Variants in ST6GAL1 observed in about 807,000 individuals in gnomAD.
ST6GAL1 encodes the protein beta-galactoside alpha-2,6-sialyltransferase 1.
Under a neutral mutation model 38.0 loss-of-function variants are expected in ST6GAL1, and 20 were observed. That is an observed-to-expected ratio of 0.53 (90% confidence interval 0.37 to 0.77). The LOEUF is 0.77. Among genes scored for constraint, ST6GAL1 ranks in the 30% least tolerant of loss-of-function variants. The pLI, the probability that ST6GAL1 is intolerant of heterozygous loss-of-function variation, is 0.00. For synonymous variants in ST6GAL1, 196 were observed against 188.2 expected (o/e 1.04, Z -0.34); for missense variants, 432 against 496.4 (o/e 0.87, Z 1.23).
At chr3:186,997,819 G>T (rs1716470614) in intron 2 of ST6GAL1, among the ~76,000 whole-genome samples, 1 of 152,098 alleles carries the variant, frequency 6.6e-6, no homozygotes, top group Non-Finnish European at 1.5e-5. Flanking sequence ...TGACTGGTGA[G>T]TGGGGACGGA....
At chr3:186,990,298 T>G (rs1346743168) in intron 2 of ST6GAL1, among the ~76,000 whole-genome samples, 1 of 152,228 alleles carries the variant, frequency 6.6e-6, no homozygotes, top group Non-Finnish European at 1.5e-5. Context: ...CCTCCCAAAT[T>G]GCTGGGATTA....
At chr3:187,027,855 G>A (rs897858906) in intron 2 of ST6GAL1, among the ~76,000 whole-genome samples, 1 of 152,166 alleles carries the variant, frequency 6.6e-6, no homozygotes, top group Non-Finnish European at 1.5e-5. Flanking sequence ...AGCCAGCAAC[G>A]AGACCAGTAA....
chr3:187,065,182 T>A (rs1719059993), intron 5 of ST6GAL1, among the ~76,000 whole-genome samples: 1 of 152,056 alleles, frequency 6.6e-6, no homozygotes, highest in Non-Finnish European at 1.5e-5. Context: ...GTATTTTTAG[T>A]AGAGACAGGG....
At chr3:186,994,177 AAG>A (rs1408758616) in intron 2 of ST6GAL1, among the ~76,000 whole-genome samples, 3 of 152,170 alleles carry the variant, frequency 2.0e-5, no homozygotes, top group Admixed American at 6.5e-5. Flanking sequence ...TTGAGAGAGA[AAG>A]AGAGAGTAAT....
At chr3:186,988,586 G>T (rs374268264) in intron 2 of ST6GAL1, among the ~76,000 whole-genome samples, 1 of 147,190 alleles carries the variant, frequency 6.8e-6, no homozygotes, top group Admixed American at 6.8e-5. Context: ...TGGTGGGGGC[G>T]GGTGGTGGTG....
chr3:186,939,569 G>GTAT (rs1714089208), intron 1 of ST6GAL1, among the ~76,000 whole-genome samples: 1 of 152,190 alleles, frequency 6.6e-6, no homozygotes, highest in Admixed American at 6.5e-5. Flanking sequence ...CATTTTGTGA[G>GTAT]TATTAAATGA....
intron 2 of ST6GAL1, among the ~76,000 whole-genome samples, chr3:186,967,967 G>T (rs1444738223): frequency 6.6e-6 from 1 of 152,192 alleles, no homozygotes; most frequent in African/African-American, 2.4e-5. Context: ...GGTATTTGTG[G>T]CAGTGGCAAT....
chr3:187,068,607 C>T (rs1231033831), intron 5 of ST6GAL1, among the ~76,000 whole-genome samples: 2 of 152,164 alleles, frequency 1.3e-5, no homozygotes, highest in Admixed American at 1.3e-4. Flanking sequence ...AAGAAAGCTT[C>T]GTGCATCTCT....
chr3:186,992,666 G>A (rs1024251737), intron 2 of ST6GAL1, among the ~76,000 whole-genome samples: 4 of 151,916 alleles, frequency 2.6e-5, no homozygotes, highest in African/African-American at 9.7e-5. Context: ...ATGTGGTGGC[G>A]GGCACCCATA....
intron 2 of ST6GAL1, among the ~76,000 whole-genome samples, chr3:186,980,923 T>C (rs6775869): frequency 0.36 from 54,422 of 152,070 alleles, 10,192 homozygotes; most frequent in East Asian, 0.68. Context: ...CATCACGTGT[T>C]GGGTGTGATG....
intron 5 of ST6GAL1, among the ~76,000 whole-genome samples, chr3:187,066,653 C>A (rs1719151602): frequency 6.6e-6 from 1 of 151,610 alleles, no homozygotes; most frequent in Non-Finnish European, 1.5e-5. Context: ...CATTTTCTAA[C>A]TGTCCCCAGT....
At chr3:187,034,908 A>C (rs1191484030) in intron 2 of ST6GAL1, among the ~76,000 whole-genome samples, 1 of 152,232 alleles carries the variant, frequency 6.6e-6, no homozygotes, top group Non-Finnish European at 1.5e-5. Context: ...TGTCCAGAGC[A>C]ATCAAACAAG....
In ST6GAL1 at chr3:187,043,000, C is replaced by T; in HGVS notation, c.297C>T (p.Asp99=). 6.2e-7 allele frequency: 1 copy of T among 1,614,152 alleles called. No homozygotes were observed. The highest frequency in any genetic ancestry group is 8.5e-7 in the Non-Finnish European group (1 of 1,180,032). The change falls in exon 4 of 8, where the codon GAC becomes GAT. Residue 99 remains aspartate (D), a synonymous_variant. Coordinates refer to ENST00000169298, the MANE Select transcript of ST6GAL1 (RefSeq NM_173216.2). ...CCTCCTTCCAGGTGTGGAACAAGGACAGCTCTTCCAAAAACCTTATCCCTA... is the reference window on the plus strand; with the variant it reads ...CCTCCTTCCAGGTGTGGAACAAGGATAGCTCTTCCAAAAACCTTATCCCTA... ...PEASFQVWNK[D]SSSKNLIPRL...
chr3:186,987,634 G>T (rs1281635013), intron 2 of ST6GAL1, among the ~76,000 whole-genome samples: 1 of 152,214 alleles, frequency 6.6e-6, no homozygotes, highest in Non-Finnish European at 1.5e-5. Context: ...CTGAAGTGCT[G>T]TTGAAGGTCC....
intron 2 of ST6GAL1, among the ~76,000 whole-genome samples, chr3:186,995,527 TA>T (rs1386280477): frequency 0.026 from 2,981 of 113,192 alleles, 73 homozygotes; most frequent in Non-Finnish European, 0.042. Context: ...AATAATAAAA[TA>T]AAAAAAAAAT....
At chr3:187,072,721 A>G in intron 5 of ST6GAL1, 128 bp from the exon 6 acceptor site, 1 of 806,566 alleles carries the variant, frequency 1.2e-6, no homozygotes, top group Non-Finnish European at 2.2e-6. Flanking sequence ...TAAGTGCTGC[A>G]CCAGAACTTA....
At chr3:186,993,973 C>T (rs1209730104) in intron 2 of ST6GAL1, among the ~76,000 whole-genome samples, 1 of 152,148 alleles carries the variant, frequency 6.6e-6, no homozygotes, top group Non-Finnish European at 1.5e-5. Context: ...CATGGCTCTA[C>T]TTCGTCATCA....
At chr3:187,033,435 A>G (rs1717824114) in intron 2 of ST6GAL1, among the ~76,000 whole-genome samples, 1 of 152,202 alleles carries the variant, frequency 6.6e-6, no homozygotes. Context: ...ATAATAAAGG[A>G]ATTCAAACTG....
chr3:187,046,078 G>A (rs748030237), intron 4 of ST6GAL1, among the ~76,000 whole-genome samples: 1 of 152,310 alleles, frequency 6.6e-6, no homozygotes, highest in South Asian at 2.1e-4. Context: ...ACTTCTCTAT[G>A]AGTCCCTGTT....
Sources: allele counts gnomAD v4.1 joint callset (sites outside exome capture counted in the v4.1 genomes callset), GRCh38; gene constraint gnomAD v4.1.1; transcripts MANE v1.5; gene names NCBI Gene and HGNC (gene_info 2026-07-23, HGNC 2026-07-21).